Variants in SLC26A11 observed in about 807,000 individuals in gnomAD.
The protein encoded by SLC26A11 is solute carrier family 26 member 11, also known as sodium-independent sulfate anion transporter.
SLC26A11 carries 58 observed loss-of-function variants against 62.2 expected under a neutral mutation model. The ratio of observed to expected loss-of-function variants is 0.93; its 90% CI spans 0.76 to 1.16. SLC26A11 has a LOEUF of 1.16. Ranked by LOEUF, SLC26A11 falls within the 50% of genes most tolerant of loss-of-function variation. The probability of loss-of-function intolerance (pLI) is 0.00; values close to 1 mark genes in which losing one functional copy is unlikely to be tolerated. For missense variants in SLC26A11, 790 were observed against 794.3 expected (o/e 0.99, Z 0.06); for synonymous variants, 411 against 368.9 (o/e 1.11, Z -1.31).
intron 7 of SLC26A11, among the ~76,000 whole-genome samples, chr17:80,232,068 TCTTA>T (rs1362074859): frequency 6.6e-6 from 1 of 152,218 alleles, no homozygotes. Flanking sequence ...TATTTTCCTT[TCTTA>T]CTTACCAGTT....
At chr17:80,234,036 G>T (rs929999536) in intron 7 of SLC26A11, among the ~76,000 whole-genome samples, 1 of 151,328 alleles carries the variant, frequency 6.6e-6, no homozygotes, top group Non-Finnish European at 1.5e-5. Context: ...ACAGTGTCTC[G>T]CTGTGTCACC....
chr17:80,242,789 A>C (rs960210156), intron 10 of SLC26A11, among the ~76,000 whole-genome samples: 3 of 152,056 alleles, frequency 2.0e-5, no homozygotes, highest in Non-Finnish European at 2.9e-5. Flanking sequence ...GCTCACTGCA[A>C]CCTCTGCCTT....
chr17:80,232,803 G>T (rs1380575708), intron 7 of SLC26A11, among the ~76,000 whole-genome samples: 1 of 151,926 alleles, frequency 6.6e-6, no homozygotes, highest in Non-Finnish European at 1.5e-5. Context: ...TATTTTTTAT[G>T]ATTCCATTTT....
chr17:80,242,404 G>C (rs780480370), intron 10 of SLC26A11, among the ~76,000 whole-genome samples: 6 of 152,342 alleles, frequency 3.9e-5, no homozygotes, highest in Admixed American at 3.9e-4. Context: ...ACCTGACCCT[G>C]AGGTCTGTGG....
Position 80,252,587 on chromosome 17 carries a change from G to A in SLC26A11, c.1730-38G>A, listed in dbSNP as rs1462676745. ...TGAACTGACCCATCCTCACTTCTGA[G>A]CTTTTAGTGCTTGAAACATTTATTG... is the stretch of plus-strand genomic sequence containing the variant. On this transcript the variant is annotated intron_variant, in intron 17 of 17. Transcript: ENST00000361193. The surrounding 1 kb of genome is among the most constrained non-coding windows in gnomAD (Gnocchi z 5.2). The A allele has an allele frequency of 6.3e-7, 1 of 1,599,656 alleles. No homozygotes were observed. The highest frequency in any genetic ancestry group is 2.2e-5 in the East Asian group (1 of 44,718).
rs755075019 is a variant in SLC26A11, at chr17:80,246,529, C to G, written c.1174C>G (p.Leu392Val). The change falls in exon 13 of 18, where the codon CTG becomes GTG. Residue 392 changes from leucine to valine, a missense_variant. By Grantham distance (32) the Leu-to-Val change is conservative. Coordinates refer to ENST00000361193, the MANE Select transcript of SLC26A11 (RefSeq NM_001166347.2). The surrounding 1 kb of genome is among the most constrained non-coding windows in gnomAD (Gnocchi z 4.4). The part of the protein sequence containing the change: ...LVTGVLVLLS[L>V]DYLTSLFYYI... ...CGCAGGAGTGCTGGTGCTGCTGTCT[C>G]TGGACTACCTGACCTCACTGTTCTA... 1 of 1,612,730 alleles carries G rather than the reference C, an allele frequency of 6.2e-7. No individual in the cohort carries two copies. Among genetic ancestry groups the G allele is most frequent in the South Asian group, 1.1e-5 (1 of 91,082 alleles).
At chr17:80,249,398 C>G (rs751392032) in intron 16 of SLC26A11, 111 bp downstream of exon 16, 1 of 1,391,978 alleles carries the variant, frequency 7.2e-7, no homozygotes. Context: ...GACGGCCCTT[C>G]GGCCGGTGCT....
chr17:80,233,832 G>A (rs1268096880), intron 7 of SLC26A11, among the ~76,000 whole-genome samples: 4 of 152,124 alleles, frequency 2.6e-5, no homozygotes, highest in African/African-American at 9.7e-5. Flanking sequence ...TCCCACTTTG[G>A]CTTCCCAAAT....
At position 80,246,285 on chromosome 17, in the gene SLC26A11, T is replaced by C. The variant is rs934194469; in HGVS notation, c.1153+76T>C. 3.9e-6 allele frequency: 6 copies of C among 1,536,650 alleles called. No homozygotes were observed. The highest frequency in any genetic ancestry group is 5.3e-6 in the Non-Finnish European group (6 of 1,135,854). On this transcript the variant is annotated intron_variant, in intron 12 of 17. Transcript: ENST00000361193. This position sits in a 1 kb window ranked among gnomAD's most constrained non-coding sequence, Gnocchi z 4.4. ...AGGGAGGAGGGGGCCCACAGAGACG[T>C]CCCTTTGGCTCATGGGCCGTGCGCC...
intron 6 of SLC26A11, among the ~76,000 whole-genome samples, chr17:80,227,529 C>G (rs994183953): frequency 1.3e-5 from 2 of 152,254 alleles, no homozygotes; most frequent in Admixed American, 6.5e-5. Context: ...TGAAGTAGAA[C>G]AGGGATGCAT....
At chr17:80,234,478 G>GTT (rs548511874) in intron 7 of SLC26A11, among the ~76,000 whole-genome samples, 8,404 of 143,140 alleles carry the variant, frequency 0.059, 278 homozygotes, top group Middle Eastern at 0.11. Flanking sequence ...TTTTTTGTTT[G>GTT]TTTGTTTTTT....
chr17:80,224,364 AGT>A (rs148238632), intron 5 of SLC26A11, among the ~76,000 whole-genome samples: 2 of 143,170 alleles, frequency 1.4e-5, no homozygotes, highest in Non-Finnish European at 3.1e-5. Flanking sequence ...GGTGTGAGGG[AGT>A]GTGAGTGCGC....
chr17:80,235,535 T>C (rs2042670087), intron 7 of SLC26A11, among the ~76,000 whole-genome samples: 1 of 152,202 alleles, frequency 6.6e-6, no homozygotes, highest in South Asian at 2.1e-4. Context: ...TTTTTATTTT[T>C]TGTGGAGACA....
At chr17:80,221,331 T>G in intron 2 of SLC26A11, 1 of 496,494 alleles carries the variant, frequency 2.0e-6, no homozygotes, top group South Asian at 3.5e-5. Context: ...CGGGGGGGAT[T>G]CAGGGAGAGA....
At chr17:80,224,450 AGT>A (rs960269250) in intron 5 of SLC26A11, among the ~76,000 whole-genome samples, 59 of 122,262 alleles carry the variant, frequency 4.8e-4, no homozygotes, top group Non-Finnish European at 8.1e-4. Context: ...TGAGAGTGTG[AGT>A]GTGAGAGTGT....
intron 9 of SLC26A11, among the ~76,000 whole-genome samples, chr17:80,239,778 A>G (rs932086118): frequency 2.0e-5 from 3 of 152,074 alleles, no homozygotes; most frequent in African/African-American, 7.2e-5. Context: ...CAAAAGTGCT[A>G]GGATTACAGG....
chr17:80,236,471 ACT>A (rs1169056794), intron 7 of SLC26A11, among the ~76,000 whole-genome samples: 4 of 151,838 alleles, frequency 2.6e-5, no homozygotes, highest in Non-Finnish European at 4.4e-5. Flanking sequence ...GCAGTGATAG[ACT>A]CACCTCCCTT....
chr17:80,224,270 TG>T, intron 5 of SLC26A11, among the ~76,000 whole-genome samples: 2 of 118,570 alleles, frequency 1.7e-5, no homozygotes, highest in African/African-American at 6.0e-5. Flanking sequence ...TGTGCGTGTG[TG>T]AGTGAGTGCG....
intron 7 of SLC26A11, among the ~76,000 whole-genome samples, chr17:80,229,322 G>T (rs2144896626): frequency 6.6e-6 from 1 of 152,298 alleles, no homozygotes; most frequent in Admixed American, 6.5e-5. Flanking sequence ...CCAGCTTCCA[G>T]TCCCAGCCTG....
Sources: gnomAD v4.1 joint callset for allele counts (sites outside exome capture counted in the v4.1 genomes callset) on GRCh38, gnomAD v4.1.1 for gene constraint, Gnocchi (gnomAD v3.1) non-coding constraint, MANE v1.5 for transcripts, NCBI Gene and HGNC (gene_info 2026-07-23, HGNC 2026-07-21) for gene names.